The following TENM3 variants were observed in gnomAD, a reference collection of about 807,000 sequenced individuals.
TENM3 encodes teneurin-3.
TENM3 carries 63 observed loss-of-function variants against 255.1 expected under a neutral mutation model. The ratio of observed to expected loss-of-function variants is 0.25; its 90% confidence interval spans 0.20 to 0.30. The LOEUF is 0.30. TENM3 is among the 10% of genes least tolerant of loss of function. The probability of loss-of-function intolerance (pLI) is 1.00; values close to 1 mark genes in which losing one functional copy is unlikely to be tolerated. For missense variants in TENM3, 2,929 were observed against 3,461.1 expected (o/e 0.85, Z 3.86); for synonymous variants, 1,306 against 1,322.3 (o/e 0.99, Z 0.27).
the TENM3 span, among the ~76,000 whole-genome samples, chr4:182,006,152 A>G: frequency 6.6e-6 from 1 of 152,188 alleles, no homozygotes; most frequent in African/African-American, 2.4e-5. Flanking sequence ...CCGGTTTTCA[A>G]AGGGAATGCT....
chr4:181,997,577 A>T, the TENM3 span, among the ~76,000 whole-genome samples: 2 of 143,840 alleles, frequency 1.4e-5, no homozygotes, highest in African/African-American at 2.6e-5. Context: ...AACTGAATTG[A>T]TGCATTTTTG....
intron 1 of TENM3, among the ~76,000 whole-genome samples, chr4:182,251,179 C>G (rs1157310705): frequency 6.6e-6 from 1 of 152,128 alleles, no homozygotes; most frequent in Non-Finnish European, 1.5e-5. Context: ...CTTAGAAAGT[C>G]ATCATGGGGG....
chr4:182,056,915 T>C, the TENM3 span, among the ~76,000 whole-genome samples: 1 of 151,864 alleles, frequency 6.6e-6, no homozygotes, highest in Non-Finnish European at 1.5e-5. Flanking sequence ...CTCCCCCTTT[T>C]AACAACAAAG....
chr4:182,468,030 A>T (rs1034628268), intron 3 of TENM3, among the ~76,000 whole-genome samples: 1 of 152,166 alleles, frequency 6.6e-6, no homozygotes, highest in Non-Finnish European at 1.5e-5. Context: ...GATCTTACCT[A>T]TGAAACTTAA....
At chr4:181,899,591 C>T in the TENM3 span, among the ~76,000 whole-genome samples, 1 of 151,630 alleles carries the variant, frequency 6.6e-6, no homozygotes, top group Admixed American at 6.6e-5. Context: ...TTTTTTGAGA[C>T]AGAGTCTCTC....
At chr4:181,714,434 G>T in the TENM3 span, among the ~76,000 whole-genome samples, 23 of 152,240 alleles carry the variant, frequency 1.5e-4, 2 homozygotes, top group South Asian at 4.4e-3. Flanking sequence ...CAGAATGACA[G>T]AGCAAGATGC....
chr4:182,422,730 CT>C (rs901841220), intron 3 of TENM3, among the ~76,000 whole-genome samples: 27 of 152,178 alleles, frequency 1.8e-4, no homozygotes, highest in Non-Finnish European at 3.1e-4. Flanking sequence ...ATTTTAAAAA[CT>C]TTTTTTTACT....
chr4:181,861,830 T>C, the TENM3 span, among the ~76,000 whole-genome samples: 5 of 152,342 alleles, frequency 3.3e-5, no homozygotes, highest in East Asian at 7.7e-4. Context: ...AATCACTTTA[T>C]TGTGAAATTA....
chr4:181,828,956 C>T, the TENM3 span, among the ~76,000 whole-genome samples: 1 of 152,294 alleles, frequency 6.6e-6, no homozygotes, highest in East Asian at 1.9e-4. Context: ...GGGACCCCCT[C>T]TGGTGACACA....
At chr4:182,212,496 G>C (rs1383865543) in intron 1 of TENM3, among the ~76,000 whole-genome samples, 1 of 150,606 alleles carries the variant, frequency 6.6e-6, no homozygotes, top group East Asian at 1.9e-4. Context: ...TCAGTGATTG[G>C]AGGCTGTCTT....
At chr4:182,247,914 C>T (rs1208373994) in intron 1 of TENM3, among the ~76,000 whole-genome samples, 1 of 152,164 alleles carries the variant, frequency 6.6e-6, no homozygotes, top group African/African-American at 2.4e-5. Flanking sequence ...AAGCTCCCCA[C>T]GCAAACTCTT....
intron 3 of TENM3, among the ~76,000 whole-genome samples, chr4:182,371,938 G>T (rs901559932): frequency 6.6e-6 from 1 of 152,144 alleles, no homozygotes; most frequent in Non-Finnish European, 1.5e-5. Flanking sequence ...GTTTGAAAGA[G>T]AATACAATAT....
chr4:181,862,197 G>A, the TENM3 span, among the ~76,000 whole-genome samples: 1 of 152,062 alleles, frequency 6.6e-6, no homozygotes, highest in South Asian at 2.1e-4. Context: ...GCAGGATAAT[G>A]TCTTTTAATT....
rs774439462 is a variant in TENM3 at position 182,688,288 on chromosome 4, G to A, written c.2158G>A (p.Gly720Arg). The change falls in exon 12 of 28, where the codon GGG becomes AGG. Residue 720 changes from glycine to arginine, a missense_variant. By Grantham distance (125) the Gly-to-Arg change is moderately radical (BLOSUM62 -2). Around this residue, in one of 6 missense-constraint regions of TENM3, gnomAD observed 1,608 missense variants for 1,884.4 expected, o/e 0.85. Transcript: ENST00000511685. Reference sequence around the variant, plus strand: ...CTGCCACCCCCGCTGTGCCGAGCACGGGACCTGCAAGGATGGCAAGTGTGA... The same window carrying A: ...CTGCCACCCCCGCTGTGCCGAGCACAGGACCTGCAAGGATGGCAAGTGTGA... ...RACHPRCAEH[G>R]TCKDGKCECS... is the part of the protein sequence containing the mutation. 4 of 1,613,906 alleles carry A rather than the reference G, an allele frequency of 2.5e-6. No individual in the cohort carries two copies. Among genetic ancestry groups the A allele is most frequent in the Non-Finnish European group, 1.7e-6 (2 of 1,179,842 alleles).
rs138247585 is a variant in TENM3 at position 182,657,444 on chromosome 4, C to T, written c.1111+3551C>T. On this transcript the variant is annotated intron_variant, in intron 6 of 27. Coordinates refer to ENST00000511685, the MANE Select transcript of TENM3 (RefSeq NM_001080477.4). ...CTCCACATATGTGGATCTATGCTTC[C>T]ACCTTTTCTCCCCATATTCCAGGTT... Among the ~76,000 whole-genome samples the T allele has an allele frequency of 1.1e-4, 16 of 152,160 alleles. No homozygotes were observed. The East Asian group carries it at 2.3e-3, about 22-fold the overall frequency.
At chr4:181,487,740 A>G in the TENM3 span, among the ~76,000 whole-genome samples, 1 of 152,002 alleles carries the variant, frequency 6.6e-6, no homozygotes, top group South Asian at 2.1e-4. Flanking sequence ...ATTCAGATCT[A>G]TTGAAGGCAC....
chr4:181,549,336 C>A, the TENM3 span, among the ~76,000 whole-genome samples: 7 of 152,172 alleles, frequency 4.6e-5, no homozygotes, highest in Non-Finnish European at 1.0e-4. Flanking sequence ...TATTCTCCAG[C>A]GTAATGACAT....
At chr4:181,995,494 C>G in the TENM3 span, among the ~76,000 whole-genome samples, 1 of 152,036 alleles carries the variant, frequency 6.6e-6, no homozygotes, top group South Asian at 2.1e-4. Flanking sequence ...TTACAAGTAA[C>G]TCTCAAATGG....
chr4:182,502,379 A>G (rs1193729728), intron 3 of TENM3, among the ~76,000 whole-genome samples: 1 of 151,958 alleles, frequency 6.6e-6, no homozygotes, highest in African/African-American at 2.4e-5. Context: ...ATTTTCTTAG[A>G]GTATTTCGTT....
Sources: gnomAD v4.1 joint callset for allele counts (sites outside exome capture counted in the v4.1 genomes callset) on GRCh38, gnomAD v4.1.1 for gene constraint, gnomAD v4.1.1 regional missense constraint, MANE v1.5 for transcripts, NCBI Gene and HGNC (gene_info 2026-07-23, HGNC 2026-07-21) for gene names.